Variants in RALGDS observed in about 807,000 individuals in gnomAD.
RALGDS encodes ral guanine nucleotide dissociation stimulator.
RALGDS carries 44 observed loss-of-function variants against 99.8 expected under a neutral mutation model. The ratio of observed to expected loss-of-function variants is 0.44; its 90% CI spans 0.35 to 0.57. The LOEUF is 0.57. RALGDS is among the 20% of genes least tolerant of loss of function. RALGDS has a pLI of 0.01. For synonymous variants in RALGDS, 529 were observed against 505.0 expected, an observed-to-expected ratio of 1.05 and a Z score of -0.64; for missense variants, 1,022 against 1,203.1, an observed-to-expected ratio of 0.85 and a Z score of 2.23.
chr9:133,112,477 CA>C (rs1408754449), intron 1 of RALGDS, among the ~76,000 whole-genome samples: 3 of 152,302 alleles, frequency 2.0e-5, no homozygotes, highest in African/African-American at 7.2e-5. Context: ...GTTATTCAGC[CA>C]TTGCACAGAT....
chr9:133,113,007 T>G (rs1831424597), intron 1 of RALGDS, among the ~76,000 whole-genome samples: 1 of 152,192 alleles, frequency 6.6e-6, no homozygotes, highest in Non-Finnish European at 1.5e-5. Context: ...GAAAGGCCGT[T>G]GTCTTAGGAG....
At position 133,144,984 on chromosome 9, in the gene RALGDS, GCA is replaced by G. The variant is rs1472617995; in HGVS notation, c.18+3977_18+3978del. Among the ~76,000 whole-genome samples, 1 of 152,290 alleles carries G rather than the reference GCA, an allele frequency of 6.6e-6. No individual in the cohort carries two copies. The highest frequency in any genetic ancestry group is 2.4e-5 in the African/African-American group (1 of 41,576). Reference sequence around the variant, plus strand: ...GGCGGACAGACACGAACTGATGAAGGCACAGTTTGCAGTCACACGTCTACAAA... The same window carrying G: ...GGCGGACAGACACGAACTGATGAAGGCAGTTTGCAGTCACACGTCTACAAA... On this transcript the variant is annotated intron_variant, in intron 1 of 17. Coordinates refer to the RALGDS transcript ENST00000393160. This position sits in a 1 kb window ranked among gnomAD's most constrained non-coding sequence, Gnocchi z 4.5.
Position 133,101,275 on chromosome 9 carries a change from C to T in RALGDS, c.2454+245G>A, listed in dbSNP as rs1167248878. 4.4e-6 allele frequency: 6 copies of T among 1,367,976 alleles called. No homozygotes were observed. In the African/African-American group the frequency reaches 7.2e-5, roughly 16 times the overall value. 84.7% of individuals were successfully genotyped at this position (1,367,976 alleles called of 1,614,324 possible). On this transcript the variant is annotated intron_variant, in intron 16 of 17. Coordinates refer to ENST00000372050, the MANE Select transcript of RALGDS (RefSeq NM_006266.4). ...CAGGCCCTGGATACTTCCCTGACCT[C>T]ACCTCCCCTACAGCACCGCCCCTTC...
intron 1 of RALGDS, among the ~76,000 whole-genome samples, chr9:133,120,689 G>A (rs550830971): frequency 1.1e-4 from 17 of 152,338 alleles, no homozygotes; most frequent in Admixed American, 2.6e-4. Context: ...GTCCACCTGG[G>A]CTGCAGCGGC....
At position 133,108,409 on chromosome 9, in the gene RALGDS, G is replaced by GC. The variant is rs1831177843; in HGVS notation, c.779-4dup. The GC allele has an allele frequency of 2.6e-6, 4 of 1,535,634 alleles. No homozygotes were observed. In the East Asian group the frequency reaches 7.3e-5, roughly 28 times the overall value. On this transcript the variant is annotated splice_polypyrimidine_tract_variant and splice_region_variant and intron_variant, in intron 5 of 17. Transcript: ENST00000372050. ...TAGAGCTGGCACTGGTGACAGAGCT[G>GC]CAAGAGGAGAAAAGTTCAACAACAT...
In RALGDS at chr9:133,121,021, A is replaced by G. The variant is rs1432720306; in HGVS notation, c.134T>C (p.Val45Ala). Reference sequence around the variant, plus strand: ...TAGCTGCGTGAAGCTGTGCAGCACCACCGGGCAGCTGTCGGGGACGCCCAC... The same window carrying G: ...TAGCTGCGTGAAGCTGTGCAGCACCGCCGGGCAGCTGTCGGGGACGCCCAC... ...LEVGVPDSCP[V>A]VLHSFTQLDP... is the part of the protein sequence containing the mutation. Residue 45 changes from valine to alanine, a missense_variant, in exon 1 of 18, where the codon GTG becomes GCG. Around this residue, in one of 3 missense-constraint regions of RALGDS, gnomAD observed 180 missense variants for 169.3 expected, o/e 1.06. Transcript: ENST00000372050. 2 of 1,496,628 alleles carry G rather than the reference A, an allele frequency of 1.3e-6. No homozygotes were observed. Among genetic ancestry groups the G allele is most frequent in the Non-Finnish European group, 1.8e-6 (2 of 1,129,580 alleles). The allele number at this position is 1,496,628 out of a possible 1,614,324, so 92.7% of individuals were successfully genotyped here.
upstream of RALGDS, among the ~76,000 whole-genome samples, chr9:133,124,636 G>C (rs899307572): frequency 6.6e-6 from 1 of 152,214 alleles, no homozygotes; most frequent in African/African-American, 2.4e-5. Context: ...CCTAATGAAG[G>C]CACAGATAAA....
intron 1 of RALGDS, among the ~76,000 whole-genome samples, chr9:133,145,829 C>A (rs1389887402): frequency 6.6e-6 from 1 of 152,170 alleles, no homozygotes; most frequent in Non-Finnish European, 1.5e-5. Context: ...TAATGTGAGA[C>A]AATACTACAA....
rs767503233 is a variant in RALGDS, at chr9:133,104,351, G to C, written c.1603-20C>G. 1 of 1,600,992 alleles carries C rather than the reference G, an allele frequency of 6.2e-7. No individual in the cohort carries two copies. The highest frequency in any genetic ancestry group is 8.6e-7 in the Non-Finnish European group (1 of 1,168,242). ...GCCCTCCTGCCAGGGTAGAGGACAG[G>C]GTCAGCAAGGCCCTATCCCCTCAGC... On this transcript the variant is annotated intron_variant, in intron 9 of 17. Coordinates refer to ENST00000372050, the MANE Select transcript of RALGDS (RefSeq NM_006266.4).
chr9:133,148,941 G>T, intron 1 of RALGDS: 1 of 1,601,778 alleles, frequency 6.2e-7, no homozygotes. Context: ...GCGACGCGAG[G>T]CTGGGGACGG....
intron 10 of RALGDS, 31 bp downstream of exon 10, chr9:133,104,232 C>T (rs1830907308): frequency 1.3e-6 from 2 of 1,595,454 alleles, no homozygotes; most frequent in Non-Finnish European, 1.7e-6. Flanking sequence ...AGGCCAGCCC[C>T]CTGCCCCTCC....
Position 133,106,026 on chromosome 9 carries a change from G to A in RALGDS, c.1518-10C>T, listed in dbSNP as rs780381440. 6 of 1,603,608 alleles carry A rather than the reference G, an allele frequency of 3.7e-6. No homozygotes were observed. Among genetic ancestry groups the A allele is most frequent in the Admixed American group, 3.3e-5 (2 of 59,796 alleles). ...GATCCGGAAACTGTCCCTGTCAGAAGGGCAAAGAAGGAAAGAGAAAGCTGG... is the reference window on the plus strand; with the variant it reads ...GATCCGGAAACTGTCCCTGTCAGAAAGGCAAAGAAGGAAAGAGAAAGCTGG... On this transcript the variant is annotated splice_polypyrimidine_tract_variant and intron_variant, in intron 8 of 17. Transcript: ENST00000372050.
At chr9:133,123,247 G>A (rs1832010961), upstream of RALGDS, among the ~76,000 whole-genome samples, 1 of 152,142 alleles carries the variant, frequency 6.6e-6, no homozygotes, top group African/African-American at 2.4e-5. Flanking sequence ...GAAACTGAAA[G>A]TCCAGAAGCT....
At chr9:133,107,827 T>G (rs1006640197) in intron 6 of RALGDS, among the ~76,000 whole-genome samples, 161 bp downstream of exon 6, 1 of 152,228 alleles carries the variant, frequency 6.6e-6, no homozygotes, top group South Asian at 2.1e-4. Flanking sequence ...AGAGGTAAAC[T>G]GAGGACTTGG....
chr9:133,124,166 A>C (rs1832073827), upstream of RALGDS, among the ~76,000 whole-genome samples: 1 of 150,420 alleles, frequency 6.6e-6, no homozygotes, highest in Non-Finnish European at 1.5e-5. Context: ...ATACATAGAG[A>C]CAGAGACACA....
chr9:133,109,749 T>A (rs376786015), intron 3 of RALGDS, 28 bp from the exon 4 acceptor site: 1 of 1,591,190 alleles, frequency 6.3e-7, no homozygotes, highest in African/African-American at 1.3e-5. Flanking sequence ...TGTTACTGTC[T>A]GACTCTCCGA....
At chr9:133,115,872 T>G (rs1419506427) in intron 1 of RALGDS, among the ~76,000 whole-genome samples, 1 of 152,254 alleles carries the variant, frequency 6.6e-6, no homozygotes, top group Non-Finnish European at 1.5e-5. Flanking sequence ...GCTTTCTGAC[T>G]TCAGCTTTCC....
intron 1 of RALGDS, among the ~76,000 whole-genome samples, chr9:133,137,559 C>T (rs1054551009): frequency 2.0e-5 from 3 of 152,218 alleles, no homozygotes; most frequent in African/African-American, 7.2e-5. Flanking sequence ...GGCTCCCTCC[C>T]ATTAAAGTGC....
rs370391981 is a variant in RALGDS, at chr9:133,112,092, G to A, written c.244C>T (p.Arg82Cys). The change falls in exon 2 of 18, where the codon CGC becomes TGC. Residue 82 changes from arginine (R) to cysteine (C), a missense_variant. Around this residue, in one of 3 missense-constraint regions of RALGDS, gnomAD observed 180 missense variants for 169.3 expected, o/e 1.06. Coordinates refer to ENST00000372050, the MANE Select transcript of RALGDS (RefSeq NM_006266.4). ...CCTCCGTGGTGCAGCTGCACCTTGC[G>A]CAGGGAGATGGAGTAGATGACTCCG... The part of the protein sequence containing the change: ...INGVIYSISL[R>C]KVQLHHGGNK... 12 of 1,586,572 alleles carry A rather than the reference G, an allele frequency of 7.6e-6. No individual in the cohort carries two copies. Among genetic ancestry groups the A allele is most frequent in the African/African-American group, 1.3e-5 (1 of 74,214 alleles).
Sources: allele counts gnomAD v4.1 joint callset (sites outside exome capture counted in the v4.1 genomes callset), GRCh38; gene constraint gnomAD v4.1.1; regional missense constraint gnomAD v4.1.1; non-coding constraint Gnocchi (gnomAD v3.1); transcripts MANE v1.5; gene names NCBI Gene and HGNC (gene_info 2026-07-23, HGNC 2026-07-21).